Variants in ITCH observed in about 807,000 individuals in gnomAD.
ITCH encodes E3 ubiquitin-protein ligase Itchy homolog.
ITCH carries 28 observed loss-of-function variants against 126.8 expected under a neutral mutation model. The ratio of observed to expected loss-of-function variants is 0.22; its 90% CI spans 0.16 to 0.30. The LOEUF (loss-of-function observed/expected upper bound fraction) is 0.30. Ranked by LOEUF, ITCH falls within the 10% of genes least tolerant of loss-of-function variation. ITCH has a pLI of 1.00. For synonymous variants in ITCH, 342 were observed against 340.0 expected, an observed-to-expected ratio of 1.01 and a Z score of -0.06; for missense variants, 631 against 1,032.4, an observed-to-expected ratio of 0.61 and a Z score of 5.33.
At chr20:34,405,160 A>AAG (rs1555858497) in intron 3 of ITCH, among the ~76,000 whole-genome samples, 1 of 151,458 alleles carries the variant, frequency 6.6e-6, no homozygotes, top group African/African-American at 2.4e-5. Context: ...AAAAAAAAAA[A>AAG]AAAAGGTTTC....
intron 16 of ITCH, among the ~76,000 whole-genome samples, chr20:34,475,268 G>T (rs1461271793): frequency 6.6e-6 from 1 of 152,316 alleles, no homozygotes; most frequent in African/African-American, 2.4e-5. Flanking sequence ...CCGGGCAGAG[G>T]CTGCAATCTC....
intron 2 of ITCH, among the ~76,000 whole-genome samples, chr20:34,372,641 A>G (rs527495389): frequency 2.6e-4 from 40 of 152,104 alleles, no homozygotes; most frequent in African/African-American, 7.2e-4. Context: ...CAGCCTCTCA[A>G]TGTGCTGGGA....
At chr20:34,423,084 C>T (rs1981003725) in intron 6 of ITCH, among the ~76,000 whole-genome samples, 1 of 152,134 alleles carries the variant, frequency 6.6e-6, no homozygotes, top group African/African-American at 2.4e-5. Flanking sequence ...TGTGAGCCAC[C>T]ACGCCCGGCC....
intron 24 of ITCH, 26 bp downstream of exon 24, chr20:34,504,429 A>T: frequency 6.8e-7 from 1 of 1,463,980 alleles, no homozygotes; most frequent in Non-Finnish European, 9.6e-7. Flanking sequence ...ATGGATAGAG[A>T]AAACAGCTTT....
chr20:34,417,159 C>T (rs1007090684), intron 6 of ITCH: 12 of 683,540 alleles, frequency 1.8e-5, no homozygotes, highest in Non-Finnish European at 2.7e-5. Context: ...TGCAATAGTG[C>T]GATCTCGGCT....
At chr20:34,504,850 C>G (rs1444121735) in intron 24 of ITCH, among the ~76,000 whole-genome samples, 1 of 152,124 alleles carries the variant, frequency 6.6e-6, no homozygotes, top group East Asian at 1.9e-4. Context: ...TTTTAGTGGT[C>G]ACATATGGTC....
rs200881960 is a variant in ITCH, at chr20:34,427,724, C to T, written c.521+3199C>T. ...TATTATTATATTTAGTAGAAGATTT[C>T]TTGAATTCCTGAAAGTTCCCGCATA... is the stretch of plus-strand genomic sequence containing the variant. On this transcript the variant is annotated intron_variant, in intron 7 of 24. Transcript: ENST00000374864. 2.8e-4 allele frequency among the ~76,000 whole-genome samples: 43 copies of T among 152,236 alleles called. No homozygotes were observed. The East Asian group carries it at 5.4e-3, about 19-fold the overall frequency.
chr20:34,412,674 C>T, intron 5 of ITCH, 35 bp downstream of exon 5: 1 of 1,571,978 alleles, frequency 6.4e-7, no homozygotes, highest in South Asian at 1.1e-5. Context: ...TTGCACTTAG[C>T]TGTTTGTTTT....
intron 20 of ITCH, among the ~76,000 whole-genome samples, chr20:34,486,698 T>A (rs1989146450): frequency 6.6e-6 from 1 of 151,132 alleles, no homozygotes. Flanking sequence ...ATGTTTTATT[T>A]TTATTATTAA....
At chr20:34,411,132 A>G (rs944973813) in intron 4 of ITCH, among the ~76,000 whole-genome samples, 6 of 152,104 alleles carry the variant, frequency 3.9e-5, no homozygotes, top group Admixed American at 2.6e-4. Flanking sequence ...TTTGCCTTTT[A>G]TTTCATCCCT....
At position 34,445,408 on chromosome 20, in the gene ITCH, C is replaced by T; in HGVS notation, c.1087C>T (p.Arg363Cys). 2.5e-6 allele frequency: 4 copies of T among 1,614,020 alleles called. No individual in the cohort carries two copies. Among genetic ancestry groups the T allele is most frequent in the African/African-American group, 1.3e-5 (1 of 75,016 alleles). Residue 363 changes from arginine (R) to cysteine (C), a missense_variant, in exon 11 of 25, where the codon CGT becomes TGT. Arg to Cys is a radical substitution (Grantham distance 180, BLOSUM62 -3). This residue lies in a region of ITCH where 390 missense variants were observed against 731.6 expected (regional missense o/e 0.53). Transcript: ENST00000374864. ...VRNYEQWQLQ[R>C]SQLQGAMQQF... ...GAACTATGAACAATGGCAGCTACAG[C>T]GTAGTCAGCTTCAAGGAGCAATGCA...
In ITCH at chr20:34,408,647, A is replaced by G. The variant is rs1009794736; in HGVS notation, c.71-4A>G. 3 of 1,611,398 alleles carry G rather than the reference A, an allele frequency of 1.9e-6. No individual in the cohort carries two copies. The highest frequency in any genetic ancestry group is 2.7e-5 in the African/African-American group (2 of 74,886). ...TTGAAATGTTTTTCATTTCTTTTAC[A>G]TAGTCATCTCAGCAAAACTTAAGGA... On this transcript the variant is annotated splice_region_variant and splice_polypyrimidine_tract_variant and intron_variant, in intron 3 of 24. Coordinates refer to ENST00000374864, the MANE Select transcript of ITCH (RefSeq NM_031483.7).
At chr20:34,471,219 G>T (rs150298696) in intron 15 of ITCH, among the ~76,000 whole-genome samples, 245 of 152,246 alleles carry the variant, frequency 1.6e-3, no homozygotes, top group Non-Finnish European at 2.6e-3. Flanking sequence ...AGTAAGCAGT[G>T]TGCATATGAG....
At chr20:34,409,124 AG>A (rs1450036126) in intron 4 of ITCH, among the ~76,000 whole-genome samples, 1 of 146,790 alleles carries the variant, frequency 6.8e-6, no homozygotes, top group East Asian at 2.0e-4. Flanking sequence ...GGTTGAATTA[AG>A]GGATTATGAG....
intron 15 of ITCH, among the ~76,000 whole-genome samples, chr20:34,471,199 C>A (rs1450679719): frequency 6.6e-6 from 1 of 152,126 alleles, no homozygotes; most frequent in African/African-American, 2.4e-5. Context: ...ATTTATTTGA[C>A]ACATTATTAA....
At chr20:34,405,256 A>G (rs1033396508) in intron 3 of ITCH, among the ~76,000 whole-genome samples, 3 of 152,018 alleles carry the variant, frequency 2.0e-5, no homozygotes, top group South Asian at 4.1e-4. Context: ...TGTAATTCCA[A>G]CACTTTGAGG....
chr20:34,477,467 T>C (rs1223292401), intron 16 of ITCH, among the ~76,000 whole-genome samples: 1 of 151,928 alleles, frequency 6.6e-6, no homozygotes, highest in African/African-American at 2.4e-5. Context: ...GAGGTGGAGG[T>C]GTGGTAAGCC....
At chr20:34,472,292 G>T (rs1342850466) in intron 16 of ITCH, among the ~76,000 whole-genome samples, 2 of 151,144 alleles carry the variant, frequency 1.3e-5, no homozygotes, top group Non-Finnish European at 2.9e-5. Context: ...ACCTGAACCT[G>T]GGAGGTGGAG....
At chr20:34,507,570 G>C in intron 24 of ITCH, 125 bp from the exon 25 acceptor site, 1 of 732,988 alleles carries the variant, frequency 1.4e-6, no homozygotes, top group Non-Finnish European at 2.4e-6. Flanking sequence ...CTTTCTTGAT[G>C]GTATCCTTTG....
Sources: allele counts gnomAD v4.1 joint callset (sites outside exome capture counted in the v4.1 genomes callset), GRCh38; gene constraint gnomAD v4.1.1; regional missense constraint gnomAD v4.1.1; transcripts MANE v1.5; gene names NCBI Gene and HGNC (gene_info 2026-07-23, HGNC 2026-07-21).